The following C16orf54 variants were observed in gnomAD, a reference collection of about 807,000 sequenced individuals.
C16orf54 encodes chromosome 16 open reading frame 54.
Under a neutral mutation model 3.9 loss-of-function variants are expected in C16orf54, and 2 were observed. The ratio of observed to expected loss-of-function variants is 0.52; its 90% CI spans 0.21 to 1.63. The LOEUF (loss-of-function observed/expected upper bound fraction) is 1.63, where lower values mean the gene tolerates loss of function less well. Among genes scored for constraint, C16orf54 ranks in the 40% most tolerant of loss-of-function variants. C16orf54 has a pLI of 0.21. For missense variants in C16orf54, 272 were observed against 326.3 expected, an observed-to-expected ratio of 0.83 and a Z score of 1.28; for synonymous variants, 128 against 135.1, an observed-to-expected ratio of 0.95 and a Z score of 0.37.
chr16:29,744,295 C>T lies in C16orf54; in HGVS notation c.657G>A (p.Arg219=). Reference sequence around the variant, plus strand: ...TGGGGATTCAGAACCCCACACTGGTCCGGCCTTCACGCTTCCAGAAAGCTG... The same window carrying T: ...TGGGGATTCAGAACCCCACACTGGTTCGGCCTTCACGCTTCCAGAAAGCTG... The part of the protein sequence containing the change: ...QISAFWKREG[R]TSVGF Residue 219 remains arginine, a synonymous_variant, in exon 2 of 2, where the codon CGG becomes CGA. Coordinates refer to ENST00000329410, the MANE Select transcript of C16orf54 (RefSeq NM_175900.4). The surrounding 1 kb of genome is among the most constrained non-coding windows in gnomAD (Gnocchi z 7.1). The T allele has an allele frequency of 6.2e-7, 1 of 1,612,910 alleles. No individual in the cohort carries two copies. Among genetic ancestry groups the T allele is most frequent in the Non-Finnish European group, 8.5e-7 (1 of 1,179,966 alleles).
intron 1 of C16orf54, among the ~76,000 whole-genome samples, chr16:29,745,691 C>T (rs1968127860): frequency 6.6e-6 from 1 of 152,184 alleles, no homozygotes; most frequent in Non-Finnish European, 1.5e-5. Flanking sequence ...CTCCTTCGCC[C>T]CTCACCATTC....
Position 29,744,512 on chromosome 16 carries a change from G to T in C16orf54, c.440C>A (p.Ala147Asp). 6.5e-7 allele frequency: 1 copy of T among 1,534,784 alleles called. No homozygotes were observed. Among genetic ancestry groups the T allele is most frequent in the Non-Finnish European group, 8.8e-7 (1 of 1,141,234 alleles). The change falls in exon 2 of 2, where the codon GCC (alanine) becomes GAC (aspartate). Residue 147 changes from alanine to aspartate, a missense_variant. Transcript: ENST00000329410. This position sits in a 1 kb window ranked among gnomAD's most constrained non-coding sequence, Gnocchi z 7.1. ...LGPQTVLEVPARSTFWGPQPW... is the reference protein window; with the variant it reads ...LGPQTVLEVPDRSTFWGPQPW... ...CTGGGGCCCCCAGAAGGTGCTCCGG[G>T]CTGGGACCTCCAGTACGGTCTGGGG...
chr16:29,744,635 C>A lies in C16orf54; in HGVS notation c.317G>T (p.Arg106Leu). ...CACCTGGGTGGGAGGCTCAGGGGCC[C>A]GATCTGTCAGCAGGGGGACCGCAGA... ...YGSAVPLLTD[R>L]APEPPTQVGT... Residue 106 changes from arginine (R) to leucine (L), a missense_variant, in exon 2 of 2, where the codon CGG becomes CTG. Arg to Leu is a moderately radical substitution (Grantham distance 102). Coordinates refer to ENST00000329410, the MANE Select transcript of C16orf54 (RefSeq NM_175900.4). The surrounding 1 kb of genome is among the most constrained non-coding windows in gnomAD (Gnocchi z 7.1). The A allele has an allele frequency of 2.7e-6, 4 of 1,467,268 alleles. No homozygotes were observed. Among genetic ancestry groups the A allele is most frequent in the Non-Finnish European group, 3.6e-6 (4 of 1,109,776 alleles). 90.9% of individuals were successfully genotyped at this position (1,467,268 alleles called of 1,614,324 possible).
In C16orf54 at chr16:29,744,784, C is replaced by T. The variant is rs775311706; in HGVS notation, c.168G>A (p.Leu56=). Residue 56 remains leucine (L), a synonymous_variant, in exon 2 of 2, where the codon CTG becomes CTA. Coordinates refer to ENST00000329410, the MANE Select transcript of C16orf54 (RefSeq NM_175900.4). The surrounding 1 kb of genome is among the most constrained non-coding windows in gnomAD (Gnocchi z 7.1). The stretch of plus-strand genomic sequence containing the variant: ...GGTCTGGGCGGAGAGCACGGCGGAA[C>T]AGGCGTTCAGCCAACACAGCGGTGG... ...ILTTAVLAER[L]FRRALRPDPS... 7.5e-6 allele frequency: 11 copies of T among 1,463,984 alleles called. No individual in the cohort carries two copies. The highest frequency in any genetic ancestry group is 9.0e-7 in the Non-Finnish European group (1 of 1,110,480). The allele number at this position is 1,463,984 out of a possible 1,614,324, so 90.7% of individuals were successfully genotyped here. A position where few individuals can be genotyped will look rare whatever the true frequency, so the allele number is the denominator to read the frequency against.
At position 29,743,685 on chromosome 16, in the gene C16orf54, C is replaced by T. The variant is rs1212310060; in HGVS notation, c.*592G>A. ...CAAGACAGCGCCGCTGCAGCTTGGC[C>T]CAGCAAGTTCCTCCTTGCAGTTTGG... On this transcript the variant is annotated 3_prime_UTR_variant, in exon 2 of 2. Transcript: ENST00000329410. 1 of 152,682 alleles carries T rather than the reference C, an allele frequency of 6.5e-6. No homozygotes were observed. Among genetic ancestry groups the T allele is most frequent in the Non-Finnish European group, 1.5e-5 (1 of 68,426 alleles). 9.5% of individuals were successfully genotyped at this position (152,682 alleles called of 1,614,324 possible). A position where few individuals can be genotyped will look rare whatever the true frequency, so the allele number is the denominator to read the frequency against.
In C16orf54 at chr16:29,744,070, C is replaced by A; in HGVS notation, c.*207G>T. 1 of 608,706 alleles carries A rather than the reference C, an allele frequency of 1.6e-6. No homozygotes were observed. 37.7% of individuals were successfully genotyped at this position (608,706 alleles called of 1,614,324 possible). A position where few individuals can be genotyped will look rare whatever the true frequency, so the allele number is the denominator to read the frequency against. On this transcript the variant is annotated 3_prime_UTR_variant, in exon 2 of 2. Coordinates refer to ENST00000329410, the MANE Select transcript of C16orf54 (RefSeq NM_175900.4). This position sits in a 1 kb window ranked among gnomAD's most constrained non-coding sequence, Gnocchi z 7.1. Reference sequence around the variant, plus strand: ...CACCCCCAGGTCTCTGAGCCACAGCCCAGGTAGCTGAGCAGAGGCACTGCT... The same window carrying A: ...CACCCCCAGGTCTCTGAGCCACAGCACAGGTAGCTGAGCAGAGGCACTGCT...
chr16:29,744,617 G>A lies in C16orf54; in HGVS notation c.335C>T (p.Thr112Ile). Reference protein sequence around the residue: ...LLTDRAPEPPTQVGTLEARAT... With the variant: ...LLTDRAPEPPIQVGTLEARAT... The stretch of plus-strand genomic sequence containing the variant: ...TCGGGCCTCCAAAGTGCCCACCTGG[G>A]TGGGAGGCTCAGGGGCCCGATCTGT... The change falls in exon 2 of 2, where the codon ACC becomes ATC. Residue 112 changes from threonine to isoleucine, a missense_variant. Physicochemically the swap from Thr to Ile is moderately conservative, Grantham distance 89. Transcript: ENST00000329410. This position sits in a 1 kb window ranked among gnomAD's most constrained non-coding sequence, Gnocchi z 7.1. 1 of 1,465,644 alleles carries A rather than the reference G, an allele frequency of 6.8e-7. No individual in the cohort carries two copies. Among genetic ancestry groups the A allele is most frequent in the South Asian group, 1.4e-5 (1 of 69,092 alleles). 90.8% of individuals were successfully genotyped at this position (1,465,644 alleles called of 1,614,324 possible).
Position 29,744,908 on chromosome 16 carries a change from G to C in C16orf54, c.44C>G (p.Pro15Arg), listed in dbSNP as rs768256621. 3 of 1,466,944 alleles carry C rather than the reference G, an allele frequency of 2.0e-6. No individual in the cohort carries two copies. Among genetic ancestry groups the C allele is most frequent in the Non-Finnish European group, 2.7e-6 (3 of 1,111,838 alleles). 90.9% of individuals were successfully genotyped at this position (1,466,944 alleles called of 1,614,324 possible). A position where few individuals can be genotyped will look rare whatever the true frequency, so the allele number is the denominator to read the frequency against. The part of the protein sequence containing the change: ...PEPPSGRVEG[P>R]PAWEAAPWPS... Reference sequence around the variant, plus strand: ...CCATGGGGCTGCTTCCCATGCGGGGGGCCCCTCCACGCGCCCAGAGGGCGG... The same window carrying C: ...CCATGGGGCTGCTTCCCATGCGGGGCGCCCCTCCACGCGCCCAGAGGGCGG... Residue 15 changes from proline to arginine, a missense_variant, in exon 2 of 2, where the codon CCC (proline) becomes CGC (arginine). By Grantham distance (103) the Pro-to-Arg change is moderately radical. Coordinates refer to ENST00000329410, the MANE Select transcript of C16orf54 (RefSeq NM_175900.4). This position sits in a 1 kb window ranked among gnomAD's most constrained non-coding sequence, Gnocchi z 7.1.
rs112310246 is a variant in C16orf54 at position 29,744,255 on chromosome 16, A to G, written c.*22T>C. 37,194 of 1,605,072 alleles carry G rather than the reference A, an allele frequency of 0.023. 6,978 individuals carry two copies. In the African/African-American group the frequency reaches 0.42, roughly 18 times the overall value. Reference sequence around the variant, plus strand: ...CACTGAGGCAAGGCCTGCCTCGGGGATCTCTGGGGAACCCTGGGGATTCAG... The same window carrying G: ...CACTGAGGCAAGGCCTGCCTCGGGGGTCTCTGGGGAACCCTGGGGATTCAG... On this transcript the variant is annotated 3_prime_UTR_variant, in exon 2 of 2. Coordinates refer to ENST00000329410, the MANE Select transcript of C16orf54 (RefSeq NM_175900.4). This position sits in a 1 kb window ranked among gnomAD's most constrained non-coding sequence, Gnocchi z 7.1.
chr16:29,744,808 G>A lies in C16orf54; in HGVS notation c.144C>T (p.Thr48=). The A allele has an allele frequency of 6.8e-7, 1 of 1,473,464 alleles. No individual in the cohort carries two copies. Among genetic ancestry groups the A allele is most frequent in the Non-Finnish European group, 9.0e-7 (1 of 1,116,180 alleles). 91.3% of individuals were successfully genotyped at this position (1,473,464 alleles called of 1,614,324 possible). ...ACAGGCGTTCAGCCAACACAGCGGTGGTGAGGATGAAGAGCGCAGCCAGGG... is the reference window on the plus strand; with the variant it reads ...ACAGGCGTTCAGCCAACACAGCGGTAGTGAGGATGAAGAGCGCAGCCAGGG... ...LATLAALFIL[T]TAVLAERLFR... The change falls in exon 2 of 2, where the codon ACC becomes ACT. Residue 48 remains threonine (T), a synonymous_variant. Transcript: ENST00000329410. This position sits in a 1 kb window ranked among gnomAD's most constrained non-coding sequence, Gnocchi z 7.1.
chr16:29,744,756 T>C lies in C16orf54; in HGVS notation c.196A>G (p.Ser66Gly), dbSNP rs376044334. ...CACACCAGGGTGGGTGCACGGTGGC[T>C]GGGGTCTGGGCGGAGAGCACGGCGG... ...LFRRALRPDPSHRAPTLVWRP... is the reference protein window; with the variant it reads ...LFRRALRPDPGHRAPTLVWRP... Residue 66 changes from serine to glycine, a missense_variant, in exon 2 of 2, where the codon AGC becomes GGC. Transcript: ENST00000329410. The surrounding 1 kb of genome is among the most constrained non-coding windows in gnomAD (Gnocchi z 7.1). 8.5e-5 allele frequency: 124 copies of C among 1,461,422 alleles called. No homozygotes were observed. The highest frequency in any genetic ancestry group is 1.1e-4 in the Non-Finnish European group (118 of 1,108,080). 90.5% of individuals were successfully genotyped at this position (1,461,422 alleles called of 1,614,324 possible). A position where few individuals can be genotyped will look rare whatever the true frequency, so the allele number is the denominator to read the frequency against.
rs2142336153 is a variant in C16orf54, at chr16:29,744,290, C to T, written c.662G>A (p.Ser221Asn). The change falls in exon 2 of 2, where the codon AGT (serine) becomes AAT (asparagine). Residue 221 changes from serine to asparagine, a missense_variant. By Grantham distance (46) the Ser-to-Asn change is conservative. Coordinates refer to ENST00000329410, the MANE Select transcript of C16orf54 (RefSeq NM_175900.4). The surrounding 1 kb of genome is among the most constrained non-coding windows in gnomAD (Gnocchi z 7.1). ...SAFWKREGRT[S>N]VGF ...AACCCTGGGGATTCAGAACCCCACA[C>T]TGGTCCGGCCTTCACGCTTCCAGAA... 1 of 1,612,866 alleles carries T rather than the reference C, an allele frequency of 6.2e-7. No individual in the cohort carries two copies. Among genetic ancestry groups the T allele is most frequent in the South Asian group, 1.1e-5 (1 of 91,014 alleles).
rs1318755282 is a variant in C16orf54 at position 29,744,446 on chromosome 16, C to G, written c.506G>C (p.Trp169Ser). 1 of 1,561,850 alleles carries G rather than the reference C, an allele frequency of 6.4e-7. No homozygotes were observed. Among genetic ancestry groups the G allele is most frequent in the Non-Finnish European group, 8.7e-7 (1 of 1,153,662 alleles). The change falls in exon 2 of 2, where the codon TGG (tryptophan) becomes TCG (serine). Residue 169 changes from tryptophan (W) to serine (S), a missense_variant. Coordinates refer to ENST00000329410, the MANE Select transcript of C16orf54 (RefSeq NM_175900.4). This position sits in a 1 kb window ranked among gnomAD's most constrained non-coding sequence, Gnocchi z 7.1. ...CTCTGGCCTCTGCTCGGGTTCAGCC[C>G]AGCTCACCAGGCCTGTGGCGGGGGG... is the stretch of plus-strand genomic sequence containing the variant. ...GRPPATGLVS[W>S]AEPEQRPEAS...
chr16:29,744,566 G>A lies in C16orf54; in HGVS notation c.386C>T (p.Ala129Val). Residue 129 changes from alanine (A) to valine (V), a missense_variant, in exon 2 of 2, where the codon GCC becomes GTC. Physicochemically the swap from Ala to Val is moderately conservative, Grantham distance 64 (BLOSUM62 0). Coordinates refer to ENST00000329410, the MANE Select transcript of C16orf54 (RefSeq NM_175900.4). This position sits in a 1 kb window ranked among gnomAD's most constrained non-coding sequence, Gnocchi z 7.1. ...ARATAPPAPSAPNSAPSNLGP... is the reference protein window; with the variant it reads ...ARATAPPAPSVPNSAPSNLGP... ...CAAGTTGCTGGGAGCAGAATTTGGGGCTGAGGGGGCAGGTGGGGCTGTTGC... is the reference window on the plus strand; with the variant it reads ...CAAGTTGCTGGGAGCAGAATTTGGGACTGAGGGGGCAGGTGGGGCTGTTGC... The A allele has an allele frequency of 1.3e-6, 2 of 1,483,078 alleles. No individual in the cohort carries two copies. The highest frequency in any genetic ancestry group is 1.8e-6 in the Non-Finnish European group (2 of 1,117,784). The allele number at this position is 1,483,078 out of a possible 1,614,324, so 91.9% of individuals were successfully genotyped here. A position where few individuals can be genotyped will look rare whatever the true frequency, so the allele number is the denominator to read the frequency against.
chr16:29,744,151 C>G lies in C16orf54; in HGVS notation c.*126G>C. 1.1e-6 allele frequency: 1 copy of G among 898,216 alleles called. No individual in the cohort carries two copies. The highest frequency in any genetic ancestry group is 2.7e-5 in the East Asian group (1 of 37,716). 55.6% of individuals were successfully genotyped at this position (898,216 alleles called of 1,614,324 possible). A position where few individuals can be genotyped will look rare whatever the true frequency, so the allele number is the denominator to read the frequency against. On this transcript the variant is annotated 3_prime_UTR_variant, in exon 2 of 2. Coordinates refer to ENST00000329410, the MANE Select transcript of C16orf54 (RefSeq NM_175900.4). The surrounding 1 kb of genome is among the most constrained non-coding windows in gnomAD (Gnocchi z 7.1). ...CCACCCAGACCCGGGGAGGGGGACT[C>G]CAGGTGGAAGGAGCCTGGGAAGGGC...
Position 29,745,324 on chromosome 16 carries a change from C to G in C16orf54, c.1-373G>C, listed in dbSNP as rs148132907. ...TCCAGCCTGGGCAATAGAGCAAGAC[C>G]CTTTCTCAAAAATGAAAAAGAACAT... On this transcript the variant is annotated intron_variant, in intron 1 of 1. Transcript: ENST00000329410. 1.6e-3 allele frequency: 346 copies of G among 214,738 alleles called. 1 individual carries two copies. The highest frequency in any genetic ancestry group is 7.2e-3 in the African/African-American group (317 of 44,078). 13.3% of individuals were successfully genotyped at this position (214,738 alleles called of 1,614,324 possible).
intron 1 of C16orf54, chr16:29,745,211 A>G (rs1968122705): frequency 5.2e-6 from 2 of 385,128 alleles, no homozygotes; most frequent in Non-Finnish European, 9.2e-6. Context: ...TCACACCTGT[A>G]GTCCCAGCTA....
chr16:29,744,774 C>A lies in C16orf54; in HGVS notation c.178G>T (p.Ala60Ser). ...CGGTGGCTGGGGTCTGGGCGGAGAG[C>A]ACGGCGGAACAGGCGTTCAGCCAAC... ...AVLAERLFRR[A>S]LRPDPSHRAP... The change falls in exon 2 of 2, where the codon GCT (alanine) becomes TCT (serine). Residue 60 changes from alanine (A) to serine (S), a missense_variant. Transcript: ENST00000329410. This position sits in a 1 kb window ranked among gnomAD's most constrained non-coding sequence, Gnocchi z 7.1. The A allele has an allele frequency of 6.9e-7, 1 of 1,459,558 alleles. No individual in the cohort carries two copies. Among genetic ancestry groups the A allele is most frequent in the Non-Finnish European group, 9.0e-7 (1 of 1,107,648 alleles). 90.4% of individuals were successfully genotyped at this position (1,459,558 alleles called of 1,614,324 possible). A position where few individuals can be genotyped will look rare whatever the true frequency, so the allele number is the denominator to read the frequency against.
Position 29,744,941 on chromosome 16 carries a change from G to T in C16orf54, c.11C>A (p.Thr4Asn). The change falls in exon 2 of 2, where the codon ACT (threonine) becomes AAT (asparagine). Residue 4 changes from threonine to asparagine, a missense_variant. Thr to Asn is a moderately conservative substitution (Grantham distance 65). Transcript: ENST00000329410. The surrounding 1 kb of genome is among the most constrained non-coding windows in gnomAD (Gnocchi z 7.1). The part of the protein sequence containing the change: MPL[T>N]PEPPSGRVEG... Reference sequence around the variant, plus strand: ...CACGCGCCCAGAGGGCGGCTCTGGAGTCAACGGCATCTGAGAGACACAGGG... The same window carrying T: ...CACGCGCCCAGAGGGCGGCTCTGGATTCAACGGCATCTGAGAGACACAGGG... The T allele has an allele frequency of 6.9e-7, 1 of 1,457,870 alleles. No individual in the cohort carries two copies. The highest frequency in any genetic ancestry group is 9.0e-7 in the Non-Finnish European group (1 of 1,108,060). The allele number at this position is 1,457,870 out of a possible 1,614,324, so 90.3% of individuals were successfully genotyped here. A position where few individuals can be genotyped will look rare whatever the true frequency, so the allele number is the denominator to read the frequency against.
Sources: gnomAD v4.1 joint callset for allele counts (sites outside exome capture counted in the v4.1 genomes callset) on GRCh38, gnomAD v4.1.1 for gene constraint, Gnocchi (gnomAD v3.1) non-coding constraint, MANE v1.5 for transcripts, NCBI Gene and HGNC (gene_info 2026-07-23, HGNC 2026-07-21) for gene names.